Variants in ZSWIM1 observed in about 807,000 individuals in gnomAD.
The protein encoded by ZSWIM1 is zinc finger SWIM-type containing 1.
ZSWIM1 carries 22 observed loss-of-function variants against 29.3 expected under a neutral mutation model. The ratio of observed to expected loss-of-function variants is 0.75; its 90% CI spans 0.54 to 1.07. The LOEUF is 1.07. Ranked by LOEUF, ZSWIM1 falls within the 50% of genes least tolerant of loss-of-function variation. The pLI is 0.00. For missense variants in ZSWIM1, 511 were observed against 596.2 expected (o/e 0.86, Z 1.49); for synonymous variants, 228 against 240.8 (o/e 0.95, Z 0.49).
chr20:45,881,821 C>T (rs950965862), intron 1 of ZSWIM1, among the ~76,000 whole-genome samples: 19 of 152,116 alleles, frequency 1.2e-4, no homozygotes, highest in Admixed American at 1.2e-3. Context: ...GCCAATCAGT[C>T]ATTTATAAAT....
chr20:45,883,982 C>T lies in ZSWIM1; in HGVS notation c.1390C>T (p.Arg464Trp), dbSNP rs200944328. 5.0e-5 allele frequency: 80 copies of T among 1,614,088 alleles called. No individual in the cohort carries two copies. The African/African-American group carries it at 7.5e-4, about 15-fold the overall frequency. ...GCACTGCACCAAGGAGGAGTTTGAG[C>T]GGAGGTATAGCACCCTGCGGGAACT... ...LQHCTKEEFE[R>W]RYSTLRELAD... The change falls in exon 2 of 2, where the codon CGG (arginine) becomes TGG (tryptophan). Residue 464 changes from arginine (R) to tryptophan (W), a missense_variant. Transcript: ENST00000372523.
rs1986422484 is a variant in ZSWIM1, at chr20:45,884,610, C to T, written c.*560C>T. On this transcript the variant is annotated 3_prime_UTR_variant, in exon 2 of 2. Transcript: ENST00000372523. ...ATCTCCTGACTTCGTGATCTGCCCG[C>T]CTCGGCCTCCCAAAGTGCTGGGATT... is the stretch of plus-strand genomic sequence containing the variant. The T allele has an allele frequency of 6.0e-6, 1 of 166,760 alleles. No individual in the cohort carries two copies. Among genetic ancestry groups the T allele is most frequent in the South Asian group, 2.1e-4 (1 of 4,814 alleles). The allele number at this position is 166,760 out of a possible 1,614,324, so 10.3% of individuals were successfully genotyped here. A position where few individuals can be genotyped will look rare whatever the true frequency, so the allele number is the denominator to read the frequency against.
rs1458989818 is a variant in ZSWIM1 at position 45,885,157 on chromosome 20, G to A, written c.*1107G>A. 1 of 167,110 alleles carries A rather than the reference G, an allele frequency of 6.0e-6. No individual in the cohort carries two copies. The highest frequency in any genetic ancestry group is 1.5e-5 in the Non-Finnish European group (1 of 68,118). 10.4% of individuals were successfully genotyped at this position (167,110 alleles called of 1,614,324 possible). ...CTCCTTTAAGTGAGCTGGGCTGGGA[G>A]GCTTCCTACAGGGGAAGAGGCCCCT... On this transcript the variant is annotated 3_prime_UTR_variant, in exon 2 of 2. Transcript: ENST00000372523.
At position 45,883,350 on chromosome 20, in the gene ZSWIM1, A is replaced by G. The variant is rs550916671; in HGVS notation, c.758A>G (p.His253Arg). 3.7e-6 allele frequency: 6 copies of G among 1,614,246 alleles called. No homozygotes were observed. Among genetic ancestry groups the G allele is most frequent in the East Asian group, 4.5e-5 (2 of 44,890 alleles). ...HRWRSRAESSHYFQSLEVTTH... is the reference protein window; with the variant it reads ...HRWRSRAESSRYFQSLEVTTH... ...TGGAGAAGCCGAGCTGAGAGCAGCC[A>G]CTACTTCCAGAGCCTCGAGGTCACC... is the stretch of plus-strand genomic sequence containing the variant. The change falls in exon 2 of 2, where the codon CAC (histidine) becomes CGC (arginine). Residue 253 changes from histidine to arginine, a missense_variant. Coordinates refer to ENST00000372523, the MANE Select transcript of ZSWIM1 (RefSeq NM_080603.5).
rs1986439947 is a variant in ZSWIM1, at chr20:45,885,179, C to G, written c.*1129C>G. On this transcript the variant is annotated 3_prime_UTR_variant, in exon 2 of 2. Transcript: ENST00000372523. ...GGAGGCTTCCTACAGGGGAAGAGGC[C>G]CCTCTGGGGAGCTGACTCAGCCAGG... 1 of 167,026 alleles carries G rather than the reference C, an allele frequency of 6.0e-6. No homozygotes were observed. The highest frequency in any genetic ancestry group is 2.1e-4 in the South Asian group (1 of 4,830). 10.3% of individuals were successfully genotyped at this position (167,026 alleles called of 1,614,324 possible). A position where few individuals can be genotyped will look rare whatever the true frequency, so the allele number is the denominator to read the frequency against.
In ZSWIM1 at chr20:45,882,497, C is replaced by T. The variant is rs1011464451; in HGVS notation, c.-60-36C>T. 2.8e-6 allele frequency: 4 copies of T among 1,448,188 alleles called. No individual in the cohort carries two copies. The East Asian group carries it at 6.8e-5, about 25-fold the overall frequency. 89.7% of individuals were successfully genotyped at this position (1,448,188 alleles called of 1,614,324 possible). On this transcript the variant is annotated intron_variant, in intron 1 of 1. Coordinates refer to ENST00000372523, the MANE Select transcript of ZSWIM1 (RefSeq NM_080603.5). ...GGATGAATAATTGAAGAGCCAGGTC[C>T]CTGCTGTCTCCTTAAACCTCTGTTA...
At position 45,882,911 on chromosome 20, in the gene ZSWIM1, C is replaced by T; in HGVS notation, c.319C>T (p.His107Tyr). The change falls in exon 2 of 2, where the codon CAT becomes TAT. Residue 107 changes from histidine (H) to tyrosine (Y), a missense_variant. By Grantham distance (83) the His-to-Tyr change is moderately conservative. Transcript: ENST00000372523. ...VDGPRVQLEG[H>Y]LARAVYFAIP... ...TGGACCTCGGGTGCAGCTGGAGGGT[C>T]ATCTTGCCCGAGCAGTCTACTTTGC... The T allele has an allele frequency of 6.2e-7, 1 of 1,614,166 alleles. No homozygotes were observed. The highest frequency in any genetic ancestry group is 1.1e-5 in the South Asian group (1 of 91,078).
chr20:45,883,598 G>A lies in ZSWIM1; in HGVS notation c.1006G>A (p.Gly336Arg), dbSNP rs1352898449. The change falls in exon 2 of 2, where the codon GGG (glycine) becomes AGG (arginine). Residue 336 changes from glycine to arginine, a missense_variant. Physicochemically the swap from Gly to Arg is moderately radical, Grantham distance 125. Transcript: ENST00000372523. The stretch of plus-strand genomic sequence containing the variant: ...GCACTCCCTCAATGCCATCTGCACA[G>A]GGCCAGCAGCCCAACTGTGCCTGGG... ...IQHSLNAICT[G>R]PAAQLCLGEL... 1.2e-6 allele frequency: 2 copies of A among 1,614,090 alleles called. No individual in the cohort carries two copies. The highest frequency in any genetic ancestry group is 1.7e-6 in the Non-Finnish European group (2 of 1,180,052).
upstream of ZSWIM1, among the ~76,000 whole-genome samples, chr20:45,881,040 A>C (rs1033427733): frequency 2.0e-5 from 3 of 152,194 alleles, no homozygotes; most frequent in Non-Finnish European, 4.4e-5. Context: ...TCCCAGATGC[A>C]AGTATCTTTA....
Position 45,883,906 on chromosome 20 carries a change from T to C in ZSWIM1, c.1314T>C (p.Asp438=). 4 of 1,614,070 alleles carry C rather than the reference T, an allele frequency of 2.5e-6. No individual in the cohort carries two copies. Among genetic ancestry groups the C allele is most frequent in the Non-Finnish European group, 3.4e-6 (4 of 1,180,024 alleles). Residue 438 remains aspartate, a synonymous_variant, in exon 2 of 2, where the codon GAT becomes GAC. Transcript: ENST00000372523. ...GCAGCAAGTGGAGTGAGACCCTGGA[T>C]AAGCACCTGGCAGTGACTCACCTCA... The part of the protein sequence containing the change: ...ILGSKWSETL[D]KHLAVTHLTE...
In ZSWIM1 at chr20:45,883,483, C is replaced by T; in HGVS notation, c.891C>T (p.Asn297=). 6.2e-7 allele frequency: 1 copy of T among 1,614,242 alleles called. No individual in the cohort carries two copies. Among genetic ancestry groups the T allele is most frequent in the East Asian group, 2.2e-5 (1 of 44,896 alleles). ...ACTCTGCAGACAAGGCAAACTTCAA[C>T]CAGGGCCTGTGTGCCCAGAACAATC... The part of the protein sequence containing the change: ...QQNSADKANF[N]QGLCAQNNHA... Residue 297 remains asparagine (N), a synonymous_variant, in exon 2 of 2, where the codon AAC becomes AAT. Transcript: ENST00000372523.
Position 45,882,762 on chromosome 20 carries a change from A to G in ZSWIM1, c.170A>G (p.Gln57Arg). The G allele has an allele frequency of 1.2e-6, 2 of 1,614,264 alleles. No homozygotes were observed. The highest frequency in any genetic ancestry group is 1.7e-6 in the Non-Finnish European group (2 of 1,180,050). Residue 57 changes from glutamine (Q) to arginine (R), a missense_variant, in exon 2 of 2, where the codon CAG becomes CGG. Physicochemically the swap from Gln to Arg is conservative, Grantham distance 43. Coordinates refer to ENST00000372523, the MANE Select transcript of ZSWIM1 (RefSeq NM_080603.5). ...MLLHQVNKTA[Q>R]LDTFNYQSCF... ...CTGCACCAGGTTAACAAGACTGCCC[A>G]GTTAGATACCTTCAACTACCAGAGC...
chr20:45,883,358 C>T lies in ZSWIM1; in HGVS notation c.766C>T (p.Gln256Ter), dbSNP rs773549310. Residue 256 changes from glutamine (Q) to a stop codon, truncating the protein, a stop_gained, in exon 2 of 2, where the codon CAG becomes TAG. Coordinates refer to ENST00000372523, the MANE Select transcript of ZSWIM1 (RefSeq NM_080603.5). LOFTEE classifies it high-confidence loss of function. ...CCGAGCTGAGAGCAGCCACTACTTC[C>T]AGAGCCTCGAGGTCACCACCCACAT... ...RSRAESSHYF[Q>*]SLEVTTHILS... is the part of the protein sequence containing the mutation. 2.5e-6 allele frequency: 4 copies of T among 1,614,116 alleles called. No homozygotes were observed. The highest frequency in any genetic ancestry group is 2.7e-5 in the African/African-American group (2 of 74,928).
chr20:45,881,943 G>C (rs756208559), intron 1 of ZSWIM1, among the ~76,000 whole-genome samples: 7 of 152,236 alleles, frequency 4.6e-5, no homozygotes, highest in Non-Finnish European at 1.0e-4. Flanking sequence ...AGCCTCCTGG[G>C]TTCAAGCAGG....
Position 45,883,105 on chromosome 20 carries a change from C to A in ZSWIM1, c.513C>A (p.Phe171Leu). The change falls in exon 2 of 2, where the codon TTC becomes TTA. Residue 171 changes from phenylalanine (F) to leucine (L), a missense_variant. By Grantham distance (22) the Phe-to-Leu change is conservative. Coordinates refer to ENST00000372523, the MANE Select transcript of ZSWIM1 (RefSeq NM_080603.5). ...FPTAEVLLSAFHICKFLQAKF... is the reference protein window; with the variant it reads ...FPTAEVLLSALHICKFLQAKF... ...CAGCTGAGGTCCTTCTCTCAGCCTT[C>A]CACATTTGTAAGTTCCTCCAGGCCA... 6.2e-7 allele frequency: 1 copy of A among 1,614,198 alleles called. No individual in the cohort carries two copies. Among genetic ancestry groups the A allele is most frequent in the Non-Finnish European group, 8.5e-7 (1 of 1,180,028 alleles).
At position 45,883,218 on chromosome 20, in the gene ZSWIM1, A is replaced by G. The variant is rs1252059256; in HGVS notation, c.626A>G (p.Asn209Ser). The G allele has an allele frequency of 2.5e-6, 4 of 1,613,878 alleles. No individual in the cohort carries two copies. The highest frequency in any genetic ancestry group is 1.1e-5 in the South Asian group (1 of 91,078). ...QSTMCSATAG[N>S]LRKLYTLLSN... ...ACAATGTGCTCAGCCACAGCAGGCAACCTGAGAAAGTTGTATACACTCCTG... is the reference window on the plus strand; with the variant it reads ...ACAATGTGCTCAGCCACAGCAGGCAGCCTGAGAAAGTTGTATACACTCCTG... The change falls in exon 2 of 2, where the codon AAC becomes AGC. Residue 209 changes from asparagine to serine, a missense_variant. Transcript: ENST00000372523.
intron 1 of ZSWIM1, among the ~76,000 whole-genome samples, chr20:45,882,248 G>T (rs1374370956): frequency 6.6e-6 from 1 of 152,140 alleles, no homozygotes; most frequent in Non-Finnish European, 1.5e-5. Context: ...TTATCATTTA[G>T]ATTTCAGCTC....
rs749716575 is a variant in ZSWIM1, at chr20:45,883,868, G to C, written c.1276G>C (p.Asp426His). Residue 426 changes from aspartate (D) to histidine (H), a missense_variant, in exon 2 of 2, where the codon GAC (aspartate) becomes CAC (histidine). Transcript: ENST00000372523. ...GACGGCAGGCTGTGCTACCAGTCTA[G>C]ACAGCATCCTGGGCAGCAAGTGGAG... ...QWTAGCATSL[D>H]SILGSKWSET... The C allele has an allele frequency of 6.2e-7, 1 of 1,613,892 alleles. No individual in the cohort carries two copies. The highest frequency in any genetic ancestry group is 8.5e-7 in the Non-Finnish European group (1 of 1,180,034).
In ZSWIM1 at chr20:45,883,128, C is replaced by A. The variant is rs1253617039; in HGVS notation, c.536C>A (p.Ala179Asp). Residue 179 changes from alanine (A) to aspartate (D), a missense_variant, in exon 2 of 2, where the codon GCC (alanine) becomes GAC (aspartate). Physicochemically the swap from Ala to Asp is moderately radical, Grantham distance 126 (BLOSUM62 -2). Coordinates refer to ENST00000372523, the MANE Select transcript of ZSWIM1 (RefSeq NM_080603.5). ...SAFHICKFLQ[A>D]KFYQLSLERP... ...TTCCACATTTGTAAGTTCCTCCAGGCCAAGTTCTATCAGCTGTCCCTTGAA... is the reference window on the plus strand; with the variant it reads ...TTCCACATTTGTAAGTTCCTCCAGGACAAGTTCTATCAGCTGTCCCTTGAA... 2 of 1,614,188 alleles carry A rather than the reference C, an allele frequency of 1.2e-6. No homozygotes were observed. The highest frequency in any genetic ancestry group is 2.2e-5 in the South Asian group (2 of 91,078).
Sources: gnomAD v4.1 joint callset for allele counts (sites outside exome capture counted in the v4.1 genomes callset) on GRCh38, gnomAD v4.1.1 for gene constraint, MANE v1.5 for transcripts, NCBI Gene and HGNC (gene_info 2026-07-23, HGNC 2026-07-21) for gene names.